The following TTF2 variants were observed in gnomAD, a reference collection of about 807,000 sequenced individuals.
TTF2 encodes the protein RNA polymerase II termination factor.
In TTF2, 108 loss-of-function variants were observed where a neutral mutation model predicts 142.4. The ratio of observed to expected loss-of-function variants is 0.76; its 90% CI spans 0.65 to 0.89. TTF2 has a LOEUF of 0.89. TTF2 is among the 40% of genes least tolerant of loss of function. The pLI, the probability that TTF2 is intolerant of heterozygous loss-of-function variation, is 0.00. For synonymous variants in TTF2, 483 were observed against 506.2 expected (o/e 0.95, Z 0.61); for missense variants, 1,327 against 1,379.8 (o/e 0.96, Z 0.61).
At position 117,100,609 on chromosome 1, in the gene TTF2, T is replaced by G. The variant is rs1649510441; in HGVS notation, c.3345-771T>G. Reference sequence around the variant, plus strand: ...AATGTGAACTTCCTCCAATACACCATGCTCTGAAACTCAGCCATGGTTTTG... The same window carrying G: ...AATGTGAACTTCCTCCAATACACCAGGCTCTGAAACTCAGCCATGGTTTTG... On this transcript the variant is annotated intron_variant, in intron 22 of 22. Coordinates refer to ENST00000369466, the MANE Select transcript of TTF2 (RefSeq NM_003594.4). This position sits in a 1 kb window ranked among gnomAD's most constrained non-coding sequence, Gnocchi z 4.6. 6.6e-6 allele frequency among the ~76,000 whole-genome samples: 1 copy of G among 152,238 alleles called. No homozygotes were observed. Among genetic ancestry groups the G allele is most frequent in the Non-Finnish European group, 1.5e-5 (1 of 68,042 alleles).
chr1:117,079,531 G>T lies in TTF2; in HGVS notation c.1702-37G>T, dbSNP rs771074346. 8 of 1,605,586 alleles carry T rather than the reference G, an allele frequency of 5.0e-6. No homozygotes were observed. The South Asian group carries it at 8.8e-5, about 18-fold the overall frequency. ...CAGGCTCGGCATAGCCTCTCATTAG[G>T]AATTTATGCTTAGCATTTGGTTATT... is the stretch of plus-strand genomic sequence containing the variant. On this transcript the variant is annotated intron_variant, in intron 8 of 22. Transcript: ENST00000369466. The surrounding 1 kb of genome is among the most constrained non-coding windows in gnomAD (Gnocchi z 4.2).
chr1:117,084,474 A>G (rs1249462804), intron 11 of TTF2, among the ~76,000 whole-genome samples: 1 of 152,238 alleles, frequency 6.6e-6, no homozygotes, highest in Non-Finnish European at 1.5e-5. Context: ...CAAGGCCCTC[A>G]TGGCTGCTGG....
chr1:117,097,318 T>G lies in TTF2; in HGVS notation c.3187-33T>G. On this transcript the variant is annotated intron_variant, in intron 20 of 22. Transcript: ENST00000369466. This position sits in a 1 kb window ranked among gnomAD's most constrained non-coding sequence, Gnocchi z 4.1. ...CCGAGATGTGTTACGAGACCAAGTCTGTTTAAAGTTAATGTTGTGTTTCCT... is the reference window on the plus strand; with the variant it reads ...CCGAGATGTGTTACGAGACCAAGTCGGTTTAAAGTTAATGTTGTGTTTCCT... The G allele has an allele frequency of 5.0e-6, 8 of 1,601,166 alleles. No individual in the cohort carries two copies. The highest frequency in any genetic ancestry group is 6.8e-6 in the Non-Finnish European group (8 of 1,168,230).
In TTF2 at chr1:117,080,625, C is replaced by G. The variant is rs1009825251; in HGVS notation, c.1783+976C>G. The stretch of plus-strand genomic sequence containing the variant: ...AATTTTCAGAAACCATGATAGATGT[C>G]CACTATGGCTAGTAAGTGACTGTGT... On this transcript the variant is annotated intron_variant, in intron 9 of 22. Coordinates refer to ENST00000369466, the MANE Select transcript of TTF2 (RefSeq NM_003594.4). The surrounding 1 kb of genome is among the most constrained non-coding windows in gnomAD (Gnocchi z 4.3). 2.6e-5 allele frequency among the ~76,000 whole-genome samples: 4 copies of G among 152,186 alleles called. No individual in the cohort carries two copies. The highest frequency in any genetic ancestry group is 9.7e-5 in the African/African-American group (4 of 41,450).
rs1216826679 is a variant in TTF2 at position 117,063,953 on chromosome 1, A to C, written c.218+1480A>C. On this transcript the variant is annotated intron_variant, in intron 3 of 22. Coordinates refer to ENST00000369466, the MANE Select transcript of TTF2 (RefSeq NM_003594.4). This position sits in a 1 kb window ranked among gnomAD's most constrained non-coding sequence, Gnocchi z 4.1. ...ATCTACCACTACAGTCAAGGTACTG[A>C]AGAGTTCCATCACAGGATCTCTCTG... is the stretch of plus-strand genomic sequence containing the variant. 6.6e-6 allele frequency among the ~76,000 whole-genome samples: 1 copy of C among 152,148 alleles called. No homozygotes were observed. The highest frequency in any genetic ancestry group is 2.4e-5 in the African/African-American group (1 of 41,428).
At position 117,091,404 on chromosome 1, in the gene TTF2, A is replaced by T. The variant is rs1232964678; in HGVS notation, c.2665A>T (p.Ser889Cys). The T allele has an allele frequency of 6.2e-7, 1 of 1,611,746 alleles. No individual in the cohort carries two copies. The highest frequency in any genetic ancestry group is 8.5e-7 in the Non-Finnish European group (1 of 1,179,446). The stretch of plus-strand genomic sequence containing the variant: ...TGGAAGAAGCCCTAATAATCCATTC[A>T]GTAGAGGTAAGCTGTAGGACTCTCA... ...QSGRSPNNPF[S>C]RVALEFGSEE... Residue 889 changes from serine (S) to cysteine (C), a missense_variant, in exon 16 of 23, where the codon AGT (serine) becomes TGT (cysteine). Coordinates refer to ENST00000369466, the MANE Select transcript of TTF2 (RefSeq NM_003594.4).
intron 13 of TTF2, among the ~76,000 whole-genome samples, chr1:117,089,211 A>G (rs1009298095): frequency 4.7e-5 from 7 of 150,486 alleles, no homozygotes; most frequent in African/African-American, 1.2e-4. Context: ...ATGCAAAAAT[A>G]TAGGACTTTA....
In TTF2 at chr1:117,081,825, T is replaced by C; in HGVS notation, c.1784-3T>C. Reference sequence around the variant, plus strand: ...CTCTCTTAATTTTGCTTTTATTTTCTAGCAGATGATATGGGCTTAGGAAAA... The same window carrying C: ...CTCTCTTAATTTTGCTTTTATTTTCCAGCAGATGATATGGGCTTAGGAAAA... On this transcript the variant is annotated splice_polypyrimidine_tract_variant and splice_region_variant and intron_variant, in intron 9 of 22. Transcript: ENST00000369466. 1 of 1,610,734 alleles carries C rather than the reference T, an allele frequency of 6.2e-7. No individual in the cohort carries two copies. Among genetic ancestry groups the C allele is most frequent in the Non-Finnish European group, 8.5e-7 (1 of 1,178,742 alleles).
Position 117,090,068 on chromosome 1 carries a change from T to C in TTF2, c.2356T>C (p.Ser786Pro), listed in dbSNP as rs1425853436. The C allele has an allele frequency of 3.1e-6, 5 of 1,613,372 alleles. No homozygotes were observed. In the Admixed American group the frequency reaches 6.7e-5, roughly 22 times the overall value. Reference protein sequence around the residue: ...MYSLLKFLRCSPFDEFNLWRS... With the variant: ...MYSLLKFLRCPPFDEFNLWRS... ...TCAACAAAAAAGGTTTCTCCGTTGC[T>C]CTCCATTTGATGAGTTCAATCTGTG... The change falls in exon 14 of 23, where the codon TCT becomes CCT. Residue 786 changes from serine (S) to proline (P), a missense_variant. Transcript: ENST00000369466. The surrounding 1 kb of genome is among the most constrained non-coding windows in gnomAD (Gnocchi z 4.8).
rs1178328512 is a variant in TTF2 at position 117,070,735 on chromosome 1, G to C, written c.219-2926G>C. Among the ~76,000 whole-genome samples the C allele has an allele frequency of 6.6e-6, 1 of 152,150 alleles. No individual in the cohort carries two copies. The highest frequency in any genetic ancestry group is 1.5e-5 in the Non-Finnish European group (1 of 68,008). On this transcript the variant is annotated intron_variant, in intron 3 of 22. Coordinates refer to ENST00000369466, the MANE Select transcript of TTF2 (RefSeq NM_003594.4). The surrounding 1 kb of genome is among the most constrained non-coding windows in gnomAD (Gnocchi z 4.2). The stretch of plus-strand genomic sequence containing the variant: ...TCCTATTGCAATGAGAAAAATTAAA[G>C]AAACCAGTAAGATTTTAAAAATTGT...
At position 117,069,272 on chromosome 1, in the gene TTF2, G is replaced by A. The variant is rs949069302; in HGVS notation, c.219-4389G>A. On this transcript the variant is annotated intron_variant, in intron 3 of 22. Coordinates refer to ENST00000369466, the MANE Select transcript of TTF2 (RefSeq NM_003594.4). ...TAAGAGTTAGATGTACTGAGATTGGGGTGCAGTCTCCTCTGCACATTAGAG... is the reference window on the plus strand; with the variant it reads ...TAAGAGTTAGATGTACTGAGATTGGAGTGCAGTCTCCTCTGCACATTAGAG... 2.6e-5 allele frequency among the ~76,000 whole-genome samples: 4 copies of A among 152,272 alleles called. No homozygotes were observed. The South Asian group carries it at 6.2e-4, about 24-fold the overall frequency.
intron 10 of TTF2, 52 bp from the exon 11 acceptor site, chr1:117,083,966 T>G: frequency 6.2e-7 from 1 of 1,604,410 alleles, no homozygotes. Context: ...AAAGAAAAGT[T>G]AAAAGCCATT....
At position 117,101,555 on chromosome 1, in the gene TTF2, C is replaced by T. The variant is rs1347946661; in HGVS notation, c.*31C>T. The T allele has an allele frequency of 2.0e-6, 3 of 1,537,324 alleles. No homozygotes were observed. The Admixed American group carries it at 7.1e-5, about 36-fold the overall frequency. Reference sequence around the variant, plus strand: ...TGTGGATAAGGGCTCAGAATAGCACCATTGCTGGTTTGTATTAGGATCTGG... The same window carrying T: ...TGTGGATAAGGGCTCAGAATAGCACTATTGCTGGTTTGTATTAGGATCTGG... On this transcript the variant is annotated 3_prime_UTR_variant, in exon 23 of 23. Transcript: ENST00000369466. This position sits in a 1 kb window ranked among gnomAD's most constrained non-coding sequence, Gnocchi z 5.9.
chr1:117,081,030 A>G (rs1018941236), intron 9 of TTF2, among the ~76,000 whole-genome samples: 3 of 152,180 alleles, frequency 2.0e-5, no homozygotes, highest in African/African-American at 7.2e-5. Flanking sequence ...TTCAACATAA[A>G]CCATATTGCT....
intron 12 of TTF2, among the ~76,000 whole-genome samples, chr1:117,088,485 C>G (rs1410528796): frequency 6.6e-6 from 1 of 151,864 alleles, no homozygotes; most frequent in Non-Finnish European, 1.5e-5. Context: ...TGCAGTGAGC[C>G]GAGATCTCGC....
At chr1:117,088,735 C>G in intron 12 of TTF2, 66 bp from the exon 13 acceptor site, 1 of 1,538,290 alleles carries the variant, frequency 6.5e-7, no homozygotes, top group Non-Finnish European at 8.8e-7. Context: ...GCTATTTCCC[C>G]TTGTGTCCTT....
Position 117,086,519 on chromosome 1 carries a change from GGA to G in TTF2, c.2159_2160del (p.Glu720GlyfsTer18), listed in dbSNP as rs1557821192. Reference sequence around the variant, plus strand: ...AGATCCCAGGTGCAAACCTCAATGTGGAGGTGAGGCTGGGGGGCAGCCAGGGA... The same window carrying G: ...AGATCCCAGGTGCAAACCTCAATGTGGGTGAGGCTGGGGGGCAGCCAGGGA... The part of the protein sequence containing the change: ...AEIPGANLNV[E>X]GTSTPLLRIA... On this transcript the variant is annotated frameshift_variant and splice_region_variant, in exon 12 of 23. Coordinates refer to ENST00000369466, the MANE Select transcript of TTF2 (RefSeq NM_003594.4). LOFTEE classifies it high-confidence loss of function. This position sits in a 1 kb window ranked among gnomAD's most constrained non-coding sequence, Gnocchi z 4.2. 5 of 1,613,034 alleles carry G rather than the reference GGA, an allele frequency of 3.1e-6. No individual in the cohort carries two copies. The highest frequency in any genetic ancestry group is 4.2e-6 in the Non-Finnish European group (5 of 1,179,158).
chr1:117,086,458 T>C lies in TTF2; in HGVS notation c.2096T>C (p.Val699Ala). The C allele has an allele frequency of 6.2e-7, 1 of 1,614,124 alleles. No individual in the cohort carries two copies. Among genetic ancestry groups the C allele is most frequent in the East Asian group, 2.2e-5 (1 of 44,880 alleles). ...ATCGTGATCACTACCTATAGCCTCG[T>C]GGCCAAGGAGATTCCCACAAACAAG... ...YDIVITTYSL[V>A]AKEIPTNKQE... Residue 699 changes from valine (V) to alanine (A), a missense_variant, in exon 12 of 23, where the codon GTG (valine) becomes GCG (alanine). Transcript: ENST00000369466. The surrounding 1 kb of genome is among the most constrained non-coding windows in gnomAD (Gnocchi z 4.2).
At chr1:117,095,126 A>AG (rs1354056240) in intron 18 of TTF2, among the ~76,000 whole-genome samples, 183 bp from the exon 19 acceptor site, 1 of 152,202 alleles carries the variant, frequency 6.6e-6, no homozygotes, top group African/African-American at 2.4e-5. Context: ...CTTTAGCCAG[A>AG]GGGGTGAAGT....
Sources: gnomAD v4.1 joint callset for allele counts (sites outside exome capture counted in the v4.1 genomes callset) on GRCh38, gnomAD v4.1.1 for gene constraint, Gnocchi (gnomAD v3.1) non-coding constraint, MANE v1.5 for transcripts, NCBI Gene and HGNC (gene_info 2026-07-23, HGNC 2026-07-21) for gene names.